Variants in LAMA4 observed in about 807,000 individuals in gnomAD.
The protein encoded by LAMA4 is laminin subunit alpha-4.
A neutral mutation model predicts 207.1 loss-of-function variants in LAMA4; 127 were observed. The ratio of observed to expected loss-of-function variants is 0.61; its 90% CI spans 0.53 to 0.71. LAMA4 has a LOEUF of 0.71. Among genes scored for constraint, LAMA4 ranks in the 30% least tolerant of loss-of-function variants. The pLI, the probability that LAMA4 is intolerant of heterozygous loss-of-function variation, is 0.00. For missense variants in LAMA4, 2,093 were observed against 2,246.5 expected, an observed-to-expected ratio of 0.93 and a Z score of 1.38; for synonymous variants, 761 against 816.0, an observed-to-expected ratio of 0.93 and a Z score of 1.15.
chr6:112,138,352 T>C (rs923137391), intron 24 of LAMA4, among the ~76,000 whole-genome samples: 1 of 152,152 alleles, frequency 6.6e-6, no homozygotes, highest in African/African-American at 2.4e-5. Flanking sequence ...GTGAGGTGTC[T>C]TGTCTAGTTA....
chr6:112,188,899 A>T, intron 7 of LAMA4: 1 of 565,676 alleles, frequency 1.8e-6, no homozygotes, highest in Non-Finnish European at 3.2e-6. Context: ...AAATAGAGCT[A>T]TGCAAATGTA....
chr6:112,167,178 G>A (rs576975062), intron 12 of LAMA4, among the ~76,000 whole-genome samples: 230 of 152,326 alleles, frequency 1.5e-3, no homozygotes, highest in Non-Finnish European at 2.7e-3. Flanking sequence ...TATGATAACT[G>A]AAATTTGGGG....
intron 9 of LAMA4, chr6:112,179,607 T>C (rs1036311589): frequency 1.3e-5 from 2 of 158,474 alleles, no homozygotes; most frequent in African/African-American, 2.4e-5. Context: ...TGTTTTAAAC[T>C]TCTCTCCTTT....
chr6:112,236,507 G>T (rs1554366075), intron 2 of LAMA4: 1 of 152,064 alleles, frequency 6.6e-6, no homozygotes, highest in Non-Finnish European at 1.5e-5. Context: ...CCAATATTTG[G>T]CAGTTGTGAA....
chr6:112,190,942 T>TC (rs1491426184), intron 6 of LAMA4, among the ~76,000 whole-genome samples: 2,999 of 54,084 alleles, frequency 0.055, 39 homozygotes, highest in African/African-American at 0.076. Context: ...TTTCTTTCTT[T>TC]CTTTCCTTTC....
At chr6:112,209,150 T>A (rs1239078461) in intron 3 of LAMA4, among the ~76,000 whole-genome samples, 2 of 152,160 alleles carry the variant, frequency 1.3e-5, no homozygotes, top group Non-Finnish European at 2.9e-5. Flanking sequence ...ACCATGAAAC[T>A]AAGCCATAAA....
chr6:112,108,761 C>T lies in LAMA4; in HGVS notation c.*676G>A. ...TAATAATAACCTACAGAAGCCTCCTCTCATGTACAATTTTATTTTTCTTTT... is the reference window on the plus strand; with the variant it reads ...TAATAATAACCTACAGAAGCCTCCTTTCATGTACAATTTTATTTTTCTTTT... On this transcript the variant is annotated 3_prime_UTR_variant, in exon 39 of 39. Transcript: ENST00000230538. 6.6e-6 allele frequency: 1 copy of T among 152,464 alleles called. No individual in the cohort carries two copies. The highest frequency in any genetic ancestry group is 1.5e-5 in the Non-Finnish European group (1 of 68,184). The allele number at this position is 152,464 out of a possible 1,614,324, so 9.4% of individuals were successfully genotyped here.
rs1293761782 is a variant in LAMA4, at chr6:112,188,886, A to C, written c.814+224T>G. The stretch of plus-strand genomic sequence containing the variant: ...GTAAGATTCTGAATGTAAAGACTGG[A>C]TAAAATAGAGCTATGCAAATGTAAA... On this transcript the variant is annotated intron_variant, in intron 7 of 38. Coordinates refer to ENST00000230538, the MANE Select transcript of LAMA4 (RefSeq NM_001105206.3). 1.5e-5 allele frequency: 8 copies of C among 535,500 alleles called. No individual in the cohort carries two copies. In the African/African-American group the frequency reaches 1.5e-4, roughly 10 times the overall value. The allele number at this position is 535,500 out of a possible 1,614,324, so 33.2% of individuals were successfully genotyped here.
intron 18 of LAMA4, among the ~76,000 whole-genome samples, chr6:112,146,036 T>A (rs1469130786): frequency 6.6e-6 from 1 of 152,166 alleles, no homozygotes; most frequent in African/African-American, 2.4e-5. Context: ...ACACCTGTAA[T>A]CCCAGAACTT....
intron 5 of LAMA4, among the ~76,000 whole-genome samples, chr6:112,199,289 G>T (rs556355556): frequency 6.6e-6 from 1 of 152,096 alleles, no homozygotes; most frequent in Non-Finnish European, 1.5e-5. Context: ...TCACTTCTGC[G>T]AGCTTTGCAT....
intron 8 of LAMA4, among the ~76,000 whole-genome samples, chr6:112,185,588 T>C (rs1782638294): frequency 6.6e-6 from 1 of 152,178 alleles, no homozygotes; most frequent in African/African-American, 2.4e-5. Context: ...GGTCAGGGGC[T>C]GGGTTGACCA....
chr6:112,155,546 A>G lies in LAMA4; in HGVS notation c.1959+19T>C. The G allele has an allele frequency of 6.2e-7, 1 of 1,614,048 alleles. No individual in the cohort carries two copies. Among genetic ancestry groups the G allele is most frequent in the Non-Finnish European group, 8.5e-7 (1 of 1,179,910 alleles). ...CAGTGGGAAAGGCAAGGTATAAAGA[A>G]CTTTCAGGGAATACTCACATCATAA... On this transcript the variant is annotated intron_variant, in intron 15 of 38. Transcript: ENST00000230538.
chr6:112,254,911 G>C (rs1196221630), upstream of LAMA4: 1 of 152,332 alleles, frequency 6.6e-6, no homozygotes, highest in Non-Finnish European at 1.5e-5. Context: ...CTTGAGCAAG[G>C]TTTCTCGGGT....
intron 11 of LAMA4, among the ~76,000 whole-genome samples, chr6:112,174,790 C>T (rs1554343068): frequency 6.6e-6 from 1 of 152,218 alleles, no homozygotes; most frequent in Non-Finnish European, 1.5e-5. Flanking sequence ...CACGCCCGGC[C>T]TGGGCCTTGT....
In LAMA4 at chr6:112,109,499, T is replaced by A; in HGVS notation, c.5410A>T (p.Ser1804Cys). The A allele has an allele frequency of 6.2e-7, 1 of 1,614,114 alleles. No individual in the cohort carries two copies. The highest frequency in any genetic ancestry group is 8.5e-7 in the Non-Finnish European group (1 of 1,179,992). Reference protein sequence around the residue: ...RHFVIDGHPVSFSKAALVSGA... With the variant: ...RHFVIDGHPVCFSKAALVSGA... ...CTGACCAGGGCTGCTTTACTGAAGC[T>A]CACTGGGTGTCCATCAATCACAAAG... is the stretch of plus-strand genomic sequence containing the variant. Residue 1804 changes from serine to cysteine, a missense_variant, in exon 39 of 39, where the codon AGC (serine) becomes TGC (cysteine). Ser to Cys is a moderately radical substitution (Grantham distance 112). This residue lies in a region of LAMA4 where 383 missense variants were observed against 437.8 expected (regional missense o/e 0.87). Coordinates refer to ENST00000230538, the MANE Select transcript of LAMA4 (RefSeq NM_001105206.3).
intron 2 of LAMA4, among the ~76,000 whole-genome samples, chr6:112,224,757 A>T (rs1785110043): frequency 6.8e-6 from 1 of 146,500 alleles, no homozygotes; most frequent in African/African-American, 2.5e-5. Context: ...CGGAGGTTGC[A>T]GTGAGCCGAG....
In LAMA4 at chr6:112,139,266, G is replaced by A. The variant is rs863223688; in HGVS notation, c.3136C>T (p.Arg1046Trp). The A allele has an allele frequency of 5.6e-6, 9 of 1,614,024 alleles. No homozygotes were observed. Among genetic ancestry groups the A allele is most frequent in the East Asian group, 2.2e-5 (1 of 44,892 alleles). Residue 1046 changes from arginine (R) to tryptophan (W), a missense_variant, in exon 24 of 39, where the codon CGG becomes TGG. By Grantham distance (101) the Arg-to-Trp change is moderately radical. Coordinates refer to ENST00000230538, the MANE Select transcript of LAMA4 (RefSeq NM_001105206.3). ...CCATCGAAGAAGTAACTGGCAGCCC[G>A]ACTCTGAGTGAAGGCCAGCTTATCT... ...ARDKLAFTQSRAASYFFDGSG... is the reference protein window; with the variant it reads ...ARDKLAFTQSWAASYFFDGSG...
At chr6:112,155,865 C>T in intron 14 of LAMA4, 159 bp from the exon 15 acceptor site, 1 of 766,312 alleles carries the variant, frequency 1.3e-6, no homozygotes, top group Non-Finnish European at 2.2e-6. Flanking sequence ...GGTCACACCT[C>T]CTCTGCATTC....
At chr6:112,216,071 C>T (rs1554358546) in intron 3 of LAMA4, among the ~76,000 whole-genome samples, 2 of 152,186 alleles carry the variant, frequency 1.3e-5, no homozygotes, top group Non-Finnish European at 2.9e-5. Context: ...TGGGTTCCTC[C>T]TCTATGTATC....
Sources: gnomAD v4.1 joint callset for allele counts (sites outside exome capture counted in the v4.1 genomes callset) on GRCh38, gnomAD v4.1.1 for gene constraint, gnomAD v4.1.1 regional missense constraint, MANE v1.5 for transcripts, NCBI Gene and HGNC (gene_info 2026-07-23, HGNC 2026-07-21) for gene names.